Variants in PRDM15 observed in about 807,000 individuals in gnomAD.
PRDM15 encodes PR domain zinc finger protein 15.
A neutral mutation model predicts 128.6 loss-of-function variants in PRDM15; 64 were observed. The ratio of observed to expected loss-of-function variants is 0.50; its 90% confidence interval spans 0.41 to 0.61. The LOEUF is 0.61. PRDM15 is among the 20% of genes least tolerant of loss of function. The pLI is 0.00. For missense variants in PRDM15, 1,242 were observed against 1,569.1 expected (o/e 0.79, Z 3.52); for synonymous variants, 615 against 621.8 (o/e 0.99, Z 0.16).
intron 8 of PRDM15, 122 bp downstream of exon 8, chr21:41,837,812 G>A: frequency 2.0e-6 from 2 of 989,424 alleles, no homozygotes; most frequent in Non-Finnish European, 3.1e-6. Context: ...TCCTCAGCAG[G>A]TCTGTTTCCA....
Position 41,833,637 on chromosome 21 carries a change from C to T in PRDM15, c.1366+1800G>A, listed in dbSNP as rs1026259335. 4.3e-4 allele frequency among the ~76,000 whole-genome samples: 65 copies of T among 152,268 alleles called. 1 individual carries two copies. Among genetic ancestry groups the T allele is most frequent in the African/African-American group, 1.4e-3 (60 of 41,550 alleles). ...TTTATCCTTTCTGTTCAGTCTAAAACGGGTAACCTTTGAAACTAGAACATC... is the reference window on the plus strand; with the variant it reads ...TTTATCCTTTCTGTTCAGTCTAAAATGGGTAACCTTTGAAACTAGAACATC... On this transcript the variant is annotated intron_variant, in intron 11 of 23. Transcript: ENST00000398548.
At chr21:41,876,485 G>A (rs1228419076) in intron 1 of PRDM15, among the ~76,000 whole-genome samples, 2 of 152,148 alleles carry the variant, frequency 1.3e-5, no homozygotes, top group African/African-American at 2.4e-5. Flanking sequence ...CATGAACACC[G>A]CTGGTGTAGA....
Position 41,811,368 on chromosome 21 carries a change from C to T in PRDM15, c.2393-532G>A, listed in dbSNP as rs2061856653. 1 of 155,654 alleles carries T rather than the reference C, an allele frequency of 6.4e-6. No homozygotes were observed. The highest frequency in any genetic ancestry group is 6.2e-5 in the Admixed American group (1 of 16,018). The allele number at this position is 155,654 out of a possible 1,614,324, so 9.6% of individuals were successfully genotyped here. ...AGAGCTGATGCCAGGCACGGTGGCT[C>T]ATGCCTGTGATCCCAGCACTTTGGG... On this transcript the variant is annotated intron_variant, in intron 19 of 23. Transcript: ENST00000398548. The surrounding 1 kb of genome is among the most constrained non-coding windows in gnomAD (Gnocchi z 4.1).
chr21:41,812,819 A>T (rs2061907564), intron 19 of PRDM15: 1 of 152,356 alleles, frequency 6.6e-6, no homozygotes, highest in Non-Finnish European at 1.5e-5. Flanking sequence ...GTGGGGGATG[A>T]TCGCCAGGGG....
intron 1 of PRDM15, chr21:41,861,646 G>A: frequency 2.5e-6 from 4 of 1,614,066 alleles, no homozygotes; most frequent in Non-Finnish European, 3.4e-6. Flanking sequence ...CTTCTTGAAT[G>A]CTGATTCCAC....
intron 1 of PRDM15, among the ~76,000 whole-genome samples, chr21:41,867,609 C>T (rs962299927): frequency 2.0e-5 from 3 of 152,120 alleles, no homozygotes; most frequent in African/African-American, 4.8e-5. Context: ...CTTGAAAAAC[C>T]GTTTTGAGGA....
At chr21:41,874,502 C>A (rs1393422763) in intron 1 of PRDM15, among the ~76,000 whole-genome samples, 3 of 118,672 alleles carry the variant, frequency 2.5e-5, no homozygotes, top group Admixed American at 9.3e-5. Context: ...AAGCAGCATG[C>A]ATATATATAT....
chr21:41,830,720 C>A (rs118199222), intron 11 of PRDM15, among the ~76,000 whole-genome samples: 1 of 151,894 alleles, frequency 6.6e-6, no homozygotes, highest in African/African-American at 2.4e-5. Context: ...ACCACAGAAA[C>A]ACACAGCCAC....
intron 17 of PRDM15, 169 bp from the exon 18 acceptor site, chr21:41,819,870 T>C: frequency 1.1e-6 from 1 of 878,610 alleles, no homozygotes; most frequent in East Asian, 2.7e-5. Context: ...GGGGATCCTG[T>C]GACTCCAGTA....
intron 16 of PRDM15, among the ~76,000 whole-genome samples, chr21:41,820,491 G>A (rs1332581002): frequency 2.0e-5 from 3 of 152,208 alleles, no homozygotes; most frequent in Non-Finnish European, 4.4e-5. Context: ...AGATGAGATT[G>A]GGCACAGACA....
At position 41,826,002 on chromosome 21, in the gene PRDM15, G is replaced by A. The variant is rs1423163301; in HGVS notation, c.1587C>T (p.Val529=). 1 of 1,614,070 alleles carries A rather than the reference G, an allele frequency of 6.2e-7. No homozygotes were observed. Among genetic ancestry groups the A allele is most frequent in the Non-Finnish European group, 8.5e-7 (1 of 1,180,024 alleles). ...EDLEAGGENL[V]RYKKEPSGCP... is the part of the protein sequence containing the mutation. ...ACCCGGAAGGCTCCTTCTTGTAACG[G>A]ACCAGGTTCTCCCCACCGGCCTCCA... The change falls in exon 13 of 24, where the codon GTC becomes GTT. Residue 529 remains valine (V), a synonymous_variant. Transcript: ENST00000398548.
Position 41,801,078 on chromosome 21 carries a change from C to G in PRDM15, c.*162G>C. On this transcript the variant is annotated 3_prime_UTR_variant, in exon 24 of 24. Transcript: ENST00000398548. ...TCCCTTCTAGAGTTAAGCTGACAGA[C>G]CGTAATGGTTGCTGGCGGGGGATCT... The G allele has an allele frequency of 1.9e-6, 2 of 1,036,112 alleles. No homozygotes were observed. Among genetic ancestry groups the G allele is most frequent in the Non-Finnish European group, 2.8e-6 (2 of 726,134 alleles). The allele number at this position is 1,036,112 out of a possible 1,614,324, so 64.2% of individuals were successfully genotyped here.
chr21:41,834,825 C>T, intron 11 of PRDM15, among the ~76,000 whole-genome samples: 1 of 152,240 alleles, frequency 6.6e-6, no homozygotes, highest in East Asian at 1.9e-4. Context: ...AGACAGGGGC[C>T]TCAGACGCCC....
chr21:41,818,964 T>C (rs764393318), intron 18 of PRDM15, among the ~76,000 whole-genome samples: 26 of 152,208 alleles, frequency 1.7e-4, no homozygotes, highest in Non-Finnish European at 3.7e-4. Context: ...CTAGTCTGCG[T>C]AGTGAATACG....
intron 11 of PRDM15, chr21:41,834,488 G>T (rs1237455085): frequency 1.3e-6 from 2 of 1,548,626 alleles, no homozygotes; most frequent in Non-Finnish European, 1.7e-6. Flanking sequence ...AGGACGGGGT[G>T]GGCGTCGAAG....
chr21:41,849,606 C>G (rs749792325), intron 5 of PRDM15, among the ~76,000 whole-genome samples: 2 of 151,156 alleles, frequency 1.3e-5, no homozygotes, highest in South Asian at 2.1e-4. Flanking sequence ...ATTGTTGAGT[C>G]TTACTGAATG....
At chr21:41,873,393 G>A (rs201019761) in intron 1 of PRDM15, among the ~76,000 whole-genome samples, 4 of 152,160 alleles carry the variant, frequency 2.6e-5, no homozygotes, top group African/African-American at 9.7e-5. Context: ...CTTTCACTCC[G>A]AACGCCCAAT....
rs2062460639 is a variant in PRDM15, at chr21:41,826,091, C to T, written c.1535-37G>A. 5 of 1,510,522 alleles carry T rather than the reference C, an allele frequency of 3.3e-6. No homozygotes were observed. In the African/African-American group the frequency reaches 4.1e-5, roughly 12 times the overall value. 93.6% of individuals were successfully genotyped at this position (1,510,522 alleles called of 1,614,324 possible). On this transcript the variant is annotated intron_variant, in intron 12 of 23. Transcript: ENST00000398548. ...AACCCCACCAGCAAGACAGTGAATA[C>T]ACATAGAACACGCGAAGGTCCATCA...
intron 13 of PRDM15, among the ~76,000 whole-genome samples, chr21:41,824,131 C>A (rs28501228): frequency 0.35 from 53,410 of 152,064 alleles, 9,626 homozygotes; most frequent in East Asian, 0.57. Flanking sequence ...CCAGCGGCCA[C>A]GTAATCCGGG....
Sources: gnomAD v4.1 joint callset for allele counts (sites outside exome capture counted in the v4.1 genomes callset) on GRCh38, gnomAD v4.1.1 for gene constraint, Gnocchi (gnomAD v3.1) non-coding constraint, MANE v1.5 for transcripts, NCBI Gene and HGNC (gene_info 2026-07-23, HGNC 2026-07-21) for gene names.